The following RAD21L1 variants were observed in gnomAD, a reference collection of about 807,000 sequenced individuals.
The protein encoded by RAD21L1 is RAD21 cohesin complex component like 1.
A neutral mutation model predicts 69.0 loss-of-function variants in RAD21L1; 47 were observed. The ratio of observed to expected loss-of-function variants is 0.68; its 90% CI spans 0.54 to 0.87. RAD21L1 has a LOEUF of 0.87. RAD21L1 is among the 40% of genes least tolerant of loss of function. RAD21L1 has a pLI of 0.00. For synonymous variants in RAD21L1, 177 were observed against 205.8 expected (o/e 0.86, Z 1.20); for missense variants, 583 against 647.6 (o/e 0.90, Z 1.08).
At chr20:1,249,090 A>C (rs149856798) in intron 13 of RAD21L1, among the ~76,000 whole-genome samples, 11 of 152,294 alleles carry the variant, frequency 7.2e-5, no homozygotes, top group Non-Finnish European at 1.2e-4. Flanking sequence ...TAAAAGCTCA[A>C]TAGCACCATG....
chr20:1,239,767 C>T (rs1164215916), intron 7 of RAD21L1, among the ~76,000 whole-genome samples: 2 of 152,154 alleles, frequency 1.3e-5, no homozygotes, highest in African/African-American at 4.8e-5. Flanking sequence ...ATTTGAAATT[C>T]ATACGGAAGT....
intron 4 of RAD21L1, among the ~76,000 whole-genome samples, chr20:1,232,282 G>GAT (rs1198660879): frequency 6.6e-6 from 1 of 152,194 alleles, no homozygotes; most frequent in Non-Finnish European, 1.5e-5. Flanking sequence ...TGTAGGGTGT[G>GAT]ATATACTACA....
chr20:1,243,332 A>G, intron 10 of RAD21L1, 136 bp downstream of exon 10: 1 of 527,240 alleles, frequency 1.9e-6, no homozygotes. Flanking sequence ...GAGTAGTGGA[A>G]CTTAAATGAA....
intron 1 of RAD21L1, among the ~76,000 whole-genome samples, chr20:1,227,755 T>C (rs2087295775): frequency 6.6e-6 from 1 of 152,230 alleles, no homozygotes; most frequent in Admixed American, 6.5e-5. Flanking sequence ...TTATCGTTCT[T>C]ATTTCAAAAC....
intron 11 of RAD21L1, among the ~76,000 whole-genome samples, chr20:1,245,419 G>T (rs528043103): frequency 6.6e-6 from 1 of 152,068 alleles, no homozygotes; most frequent in East Asian, 1.9e-4. Context: ...GAAAAACAAG[G>T]CTTCACAAAT....
intron 12 of RAD21L1, among the ~76,000 whole-genome samples, chr20:1,247,694 A>G (rs968384920): frequency 6.6e-6 from 1 of 152,144 alleles, no homozygotes; most frequent in African/African-American, 2.4e-5. Context: ...CATGCAGAAT[A>G]TTCTGGTGCT....
At chr20:1,234,219 C>T (rs942425695) in intron 5 of RAD21L1, 28 bp downstream of exon 5, 1 of 984,156 alleles carries the variant, frequency 1.0e-6, no homozygotes, top group African/African-American at 1.6e-5. Context: ...CTCAAAATTA[C>T]AAATTATAAT....
At position 1,254,712 on chromosome 20, in the gene RAD21L1, C is replaced by G. The variant is rs1447634101; in HGVS notation, c.*255C>G. Among the ~76,000 whole-genome samples, 1 of 151,962 alleles carries G rather than the reference C, an allele frequency of 6.6e-6. No individual in the cohort carries two copies. Among genetic ancestry groups the G allele is most frequent in the African/African-American group, 2.4e-5 (1 of 41,374 alleles). ...CAAAGGTCTCACTATATTGCCCAGG[C>G]TGGACTTGAACTCTGGGTTCAAGTG... On this transcript the variant is annotated 3_prime_UTR_variant, in exon 14 of 14. Coordinates refer to ENST00000683101, the MANE Select transcript of RAD21L1 (RefSeq NM_001384355.1).
In RAD21L1 at chr20:1,254,249, T is replaced by C; in HGVS notation, c.1480-20T>C. On this transcript the variant is annotated intron_variant, in intron 13 of 13. Transcript: ENST00000683101. ...GATCTTGTTTCCCATTTCTTTTTTC[T>C]TTTCTAATTATTTTCCCAGGAATCT... 7.0e-7 allele frequency: 1 copy of C among 1,436,840 alleles called. No homozygotes were observed. The highest frequency in any genetic ancestry group is 2.6e-5 in the East Asian group (1 of 38,802). The allele number at this position is 1,436,840 out of a possible 1,614,324, so 89.0% of individuals were successfully genotyped here.
chr20:1,237,976 T>C, intron 5 of RAD21L1, 68 bp from the exon 6 acceptor site: 2 of 824,626 alleles, frequency 2.4e-6, no homozygotes, highest in South Asian at 3.1e-5. Flanking sequence ...AGATGATATC[T>C]GAATTTCCTT....
intron 10 of RAD21L1, 68 bp from the exon 11 acceptor site, chr20:1,243,978 C>T (rs906149639): frequency 9.4e-6 from 13 of 1,378,998 alleles, no homozygotes; most frequent in Non-Finnish European, 9.9e-7. Context: ...TCTTTTGTTA[C>T]AACCATATCA....
Position 1,254,495 on chromosome 20 carries a change from AT to A in RAD21L1, c.*41del. ...CATACAGATTTATGGCATCACTGGA[AT>A]TTCTGTGTAGATTGTTCAATTTAAT... On this transcript the variant is annotated 3_prime_UTR_variant, in exon 14 of 14. Coordinates refer to ENST00000683101, the MANE Select transcript of RAD21L1 (RefSeq NM_001384355.1). 1 of 1,396,194 alleles carries A rather than the reference AT, an allele frequency of 7.2e-7. No homozygotes were observed. Among genetic ancestry groups the A allele is most frequent in the South Asian group, 1.5e-5 (1 of 67,080 alleles). 86.5% of individuals were successfully genotyped at this position (1,396,194 alleles called of 1,614,324 possible).
chr20:1,253,801 T>C (rs565463672), intron 13 of RAD21L1, among the ~76,000 whole-genome samples: 27 of 152,344 alleles, frequency 1.8e-4, no homozygotes, highest in Admixed American at 1.7e-3. Context: ...GTTTACATAG[T>C]CATAATCCCC....
At chr20:1,238,299 A>G in intron 6 of RAD21L1, 85 bp downstream of exon 6, 1 of 979,006 alleles carries the variant, frequency 1.0e-6, no homozygotes, top group South Asian at 3.0e-5. Context: ...TATCAATCTA[A>G]AATTTCAAAT....
At position 1,242,694 on chromosome 20, in the gene RAD21L1, T is replaced by C. The variant is rs1435470947; in HGVS notation, c.932T>C (p.Ile311Thr). 6.4e-7 allele frequency: 1 copy of C among 1,551,684 alleles called. No individual in the cohort carries two copies. Among genetic ancestry groups the C allele is most frequent in the Admixed American group, 2.0e-5 (1 of 50,998 alleles). ...DPIKELSSKV[I>T]HKQLTSFADT... ...ATCAAGGAGCTCAGTAGCAAAGTTA[T>C]ACATAAACAGCTTACTTCCTTTGCG... The change falls in exon 9 of 14, where the codon ATA becomes ACA. Residue 311 changes from isoleucine (I) to threonine (T), a missense_variant. Transcript: ENST00000683101.
At chr20:1,244,222 T>A in intron 11 of RAD21L1, 52 bp downstream of exon 11, 1 of 1,251,334 alleles carries the variant, frequency 8.0e-7, no homozygotes, top group Non-Finnish European at 1.1e-6. Flanking sequence ...ACAGATACAG[T>A]AAAGGAATGT....
At chr20:1,238,430 G>A (rs932927646) in intron 6 of RAD21L1, among the ~76,000 whole-genome samples, 1 of 152,024 alleles carries the variant, frequency 6.6e-6, no homozygotes, top group Admixed American at 6.6e-5. Context: ...ATTTTCTATA[G>A]AGGTTATGAA....
intron 6 of RAD21L1, among the ~76,000 whole-genome samples, chr20:1,238,885 A>G (rs534872971): frequency 6.6e-6 from 1 of 152,236 alleles, no homozygotes; most frequent in Admixed American, 6.5e-5. Flanking sequence ...GTGCAATGGC[A>G]CCATCTTGGC....
intron 2 of RAD21L1, 33 bp downstream of exon 2, chr20:1,228,630 T>C (rs541981249): frequency 7.1e-7 from 1 of 1,414,038 alleles, no homozygotes; most frequent in Non-Finnish European, 9.4e-7. Flanking sequence ...AGCTTGTATT[T>C]ATCATGACTT....
Sources: gnomAD v4.1 joint callset for allele counts (sites outside exome capture counted in the v4.1 genomes callset) on GRCh38, gnomAD v4.1.1 for gene constraint, MANE v1.5 for transcripts, NCBI Gene and HGNC (gene_info 2026-07-23, HGNC 2026-07-21) for gene names.